GALNT14: variants seen among roughly 807,000 people sequenced by gnomAD.
GALNT14 encodes the protein polypeptide N-acetylgalactosaminyltransferase 14.
GALNT14 carries 60 observed loss-of-function variants against 77.5 expected under a neutral mutation model. The observed-to-expected ratio is 0.77, with a 90% CI of 0.63 to 0.96. The LOEUF is 0.96. GALNT14 is among the 40% of genes least tolerant of loss of function. The pLI is 0.00. For synonymous variants in GALNT14, 280 were observed against 281.7 expected (o/e 0.99, Z 0.06); for missense variants, 710 against 731.0 (o/e 0.97, Z 0.33).
Position 30,991,425 on chromosome 2 carries a change from A to G in GALNT14, c.299+1413T>C, listed in dbSNP as rs1659442484. The G allele has an allele frequency of 2.0e-5, 3 of 152,178 alleles. No homozygotes were observed. The South Asian group carries it at 6.2e-4, about 31-fold the overall frequency. 9.4% of individuals were successfully genotyped at this position (152,178 alleles called of 1,614,324 possible). A position where few individuals can be genotyped will look rare whatever the true frequency, so the allele number is the denominator to read the frequency against. On this transcript the variant is annotated intron_variant, in intron 2 of 14. Coordinates refer to ENST00000349752, the MANE Select transcript of GALNT14 (RefSeq NM_024572.4). Reference sequence around the variant, plus strand: ...TTTAAATAAAATTCTCTCAGATGCCAAGGAGTAGGACAAGTGCCCAGGAAT... The same window carrying G: ...TTTAAATAAAATTCTCTCAGATGCCGAGGAGTAGGACAAGTGCCCAGGAAT...
chr2:31,060,198 G>A (rs1206633154), intron 1 of GALNT14, among the ~76,000 whole-genome samples: 1 of 152,136 alleles, frequency 6.6e-6, no homozygotes, highest in Non-Finnish European at 1.5e-5. Flanking sequence ...AACCAAGGAG[G>A]TCCCAGGTCA....
intron 6 of GALNT14, among the ~76,000 whole-genome samples, chr2:30,947,748 C>T (rs995768148): frequency 1.3e-5 from 2 of 152,184 alleles, no homozygotes; most frequent in Non-Finnish European, 2.9e-5. Context: ...TTCTTTCCCC[C>T]AAATGAGGTT....
At chr2:31,107,962 C>G (rs1677639772) in intron 1 of GALNT14, among the ~76,000 whole-genome samples, 1 of 152,290 alleles carries the variant, frequency 6.6e-6, no homozygotes, top group Non-Finnish European at 1.5e-5. Flanking sequence ...CTCAGACTCT[C>G]ACCACCTCCC....
At chr2:30,987,478 T>C (rs183248576) in intron 2 of GALNT14, among the ~76,000 whole-genome samples, 3 of 152,302 alleles carry the variant, frequency 2.0e-5, no homozygotes, top group African/African-American at 7.2e-5. Flanking sequence ...CCACATAGAC[T>C]GGACTGTCTC....
At chr2:31,090,928 A>C (rs757306150) in intron 1 of GALNT14, among the ~76,000 whole-genome samples, 2 of 152,228 alleles carry the variant, frequency 1.3e-5, no homozygotes, top group Non-Finnish European at 2.9e-5. Flanking sequence ...AGTGAGTACT[A>C]ATTCACACTT....
chr2:31,031,989 G>A (rs1672443575), intron 1 of GALNT14, among the ~76,000 whole-genome samples: 1 of 152,222 alleles, frequency 6.6e-6, no homozygotes, highest in Non-Finnish European at 1.5e-5. Flanking sequence ...GGCTGCCACA[G>A]TCAGCTGCAG....
At chr2:31,117,984 G>A (rs1426512848) in intron 1 of GALNT14, among the ~76,000 whole-genome samples, 2 of 152,172 alleles carry the variant, frequency 1.3e-5, no homozygotes, top group African/African-American at 4.8e-5. Context: ...CCTATAAATA[G>A]AACCCATCAT....
chr2:31,106,735 T>C (rs1677576205), intron 1 of GALNT14, among the ~76,000 whole-genome samples: 1 of 152,220 alleles, frequency 6.6e-6, no homozygotes. Flanking sequence ...ATGTTCCTTA[T>C]TTGGGGGTAA....
At chr2:30,895,611 G>A in the GALNT14 span, among the ~76,000 whole-genome samples, 3 of 152,040 alleles carry the variant, frequency 2.0e-5, no homozygotes, top group Non-Finnish European at 4.4e-5. Context: ...AAGCAAATGT[G>A]GGCTCCTGTA....
chr2:31,069,796 G>A (rs1437665376), intron 1 of GALNT14, among the ~76,000 whole-genome samples: 2 of 152,132 alleles, frequency 1.3e-5, no homozygotes, highest in African/African-American at 2.4e-5. Context: ...TTAAATGACT[G>A]TCCACTGTTG....
chr2:31,066,294 C>G (rs1674959408), intron 1 of GALNT14, among the ~76,000 whole-genome samples: 1 of 152,246 alleles, frequency 6.6e-6, no homozygotes, highest in East Asian at 1.9e-4. Flanking sequence ...CTAGCAGCCT[C>G]CCAGCTGTAG....
intron 1 of GALNT14, among the ~76,000 whole-genome samples, chr2:31,012,370 T>C (rs916252563): frequency 6.6e-6 from 1 of 152,122 alleles, no homozygotes; most frequent in Non-Finnish European, 1.5e-5. Flanking sequence ...TGTCCCCTCT[T>C]CTTATGGCAG....
intron 1 of GALNT14, among the ~76,000 whole-genome samples, chr2:31,083,559 A>G (rs1429700764): frequency 6.6e-6 from 1 of 152,204 alleles, no homozygotes; most frequent in East Asian, 1.9e-4. Flanking sequence ...CAAAGGTCCC[A>G]TCCTTCACCC....
chr2:30,903,735 T>G, the GALNT14 span, among the ~76,000 whole-genome samples: 1 of 152,236 alleles, frequency 6.6e-6, no homozygotes, highest in African/African-American at 2.4e-5. Context: ...AAAAGCCATA[T>G]GGGAATAGAT....
At position 30,929,426 on chromosome 2, in the gene GALNT14, G is replaced by T; in HGVS notation, c.1120C>A (p.Arg374=). The change falls in exon 11 of 15, where the codon CGG becomes AGG. Residue 374 remains arginine, a synonymous_variant. Transcript: ENST00000349752. Reference sequence around the variant, plus strand: ...AAGGGCCTCTCCAGGGCGAATGGCCGGGCAGCGTAATAGTATTGCTTGTAT... The same window carrying T: ...AAGGGCCTCTCCAGGGCGAATGGCCTGGCAGCGTAATAGTATTGCTTGTAT... The part of the protein sequence containing the change: ...DEYKQYYYAA[R]PFALERPFGN... 2 of 1,614,096 alleles carry T rather than the reference G, an allele frequency of 1.2e-6. No homozygotes were observed. The highest frequency in any genetic ancestry group is 1.7e-5 in the Admixed American group (1 of 60,030).
chr2:30,927,004 A>AT (rs566064876), intron 11 of GALNT14, among the ~76,000 whole-genome samples: 61 of 151,426 alleles, frequency 4.0e-4, no homozygotes, highest in Admixed American at 6.6e-5. Flanking sequence ...TCCCCTTCCT[A>AT]TTTTTTTTTC....
At chr2:31,066,266 G>A (rs1049900260) in intron 1 of GALNT14, among the ~76,000 whole-genome samples, 4 of 152,196 alleles carry the variant, frequency 2.6e-5, no homozygotes, top group African/African-American at 9.6e-5. Context: ...ACCATTAAGG[G>A]AGACCGATGA....
intron 1 of GALNT14, 123 bp from the exon 2 acceptor site, chr2:30,993,130 G>T (rs1669820921): frequency 4.2e-6 from 4 of 951,904 alleles, no homozygotes; most frequent in Admixed American, 2.5e-5. Flanking sequence ...TCAAAGATGG[G>T]GTCAGAAGCA....
chr2:30,968,729 A>T (rs1573058114), intron 2 of GALNT14, among the ~76,000 whole-genome samples: 1 of 152,380 alleles, frequency 6.6e-6, no homozygotes, highest in East Asian at 1.9e-4. Flanking sequence ...TGACCCACAG[A>T]CACTGTGAAG....
Sources: allele counts gnomAD v4.1 joint callset (sites outside exome capture counted in the v4.1 genomes callset), GRCh38; gene constraint gnomAD v4.1.1; transcripts MANE v1.5; gene names NCBI Gene and HGNC (gene_info 2026-07-23, HGNC 2026-07-21).